Variants in DENND1A observed in about 807,000 individuals in gnomAD.
The protein encoded by DENND1A is DENN domain containing 1A.
Under a neutral mutation model 113.7 loss-of-function variants are expected in DENND1A, and 51 were observed. The observed-to-expected ratio is 0.45, with a 90% CI of 0.36 to 0.57. The LOEUF is 0.57. DENND1A is among the 20% of genes least tolerant of loss of function. The pLI, the probability that DENND1A is intolerant of heterozygous loss-of-function variation, is 0.00. For synonymous variants in DENND1A, 565 were observed against 570.8 expected (o/e 0.99, Z 0.14); for missense variants, 1,258 against 1,395.9 (o/e 0.90, Z 1.57).
In DENND1A at chr9:123,609,430, A is replaced by T. The variant is rs775570941; in HGVS notation, c.765+6T>A. 1 of 1,613,406 alleles carries T rather than the reference A, an allele frequency of 6.2e-7. No homozygotes were observed. The highest frequency in any genetic ancestry group is 8.5e-7 in the Non-Finnish European group (1 of 1,179,792). ...AGCCATCTGGGGAGGAAAGAAGCCA[A>T]CTTACCTCCATTAAACTTAAATGGA... On this transcript the variant is annotated splice_donor_region_variant and intron_variant, in intron 11 of 23. Coordinates refer to ENST00000394215, the MANE Select transcript of DENND1A (RefSeq NM_001352964.2).
chr9:123,754,902 AC>A (rs1437112637), intron 5 of DENND1A, among the ~76,000 whole-genome samples: 1 of 152,196 alleles, frequency 6.6e-6, no homozygotes, highest in Non-Finnish European at 1.5e-5. Flanking sequence ...TTAAATGAAT[AC>A]TTTTATCAAA....
intron 13 of DENND1A, among the ~76,000 whole-genome samples, chr9:123,555,781 C>T (rs369389631): frequency 2.6e-5 from 4 of 152,190 alleles, no homozygotes; most frequent in Non-Finnish European, 5.9e-5. Context: ...GCAAGTACAA[C>T]GATAAACTCC....
chr9:123,858,157 C>G (rs1330667408), intron 2 of DENND1A, among the ~76,000 whole-genome samples: 1 of 151,842 alleles, frequency 6.6e-6, no homozygotes, highest in African/African-American at 2.4e-5. Context: ...AAGAACATTA[C>G]TGGGACAAGT....
chr9:123,623,587 C>T (rs899759944), intron 10 of DENND1A, among the ~76,000 whole-genome samples: 4 of 152,174 alleles, frequency 2.6e-5, no homozygotes. Flanking sequence ...ATATTTAGGG[C>T]AGCCCATTTG....
rs1316307757 is a variant in DENND1A, at chr9:123,414,084, G to C, written c.1489-2255C>G. ...ATTCCTGCTGGGTGGCAGTGCACCA[G>C]AGCGCTCGGGAGGCAGCCTCTAGGG... On this transcript the variant is annotated intron_variant, in intron 19 of 23. Transcript: ENST00000394215. 9 of 993,814 alleles carry C rather than the reference G, an allele frequency of 9.1e-6. No homozygotes were observed. In the East Asian group the frequency reaches 5.4e-4, roughly 60 times the overall value. The allele number at this position is 993,814 out of a possible 1,614,324, so 61.6% of individuals were successfully genotyped here. A position where few individuals can be genotyped will look rare whatever the true frequency, so the allele number is the denominator to read the frequency against.
At chr9:123,403,022 T>C (rs2043620762) in intron 21 of DENND1A, among the ~76,000 whole-genome samples, 1 of 152,194 alleles carries the variant, frequency 6.6e-6, no homozygotes. Context: ...TTCTCGGCCA[T>C]GGAGGCCTAG....
intron 21 of DENND1A, among the ~76,000 whole-genome samples, chr9:123,390,885 G>A (rs555785558): frequency 3.5e-4 from 53 of 152,240 alleles, no homozygotes; most frequent in Non-Finnish European, 5.9e-4. Context: ...ATCCAAGCAC[G>A]GGCCCCCACC....
intron 12 of DENND1A, among the ~76,000 whole-genome samples, chr9:123,559,116 G>A (rs534829686): frequency 4.6e-5 from 7 of 152,308 alleles, no homozygotes; most frequent in South Asian, 2.1e-4. Flanking sequence ...TGAGCACCGC[G>A]TGCTAAGTAC....
At chr9:123,835,621 CTT>C (rs760085814) in intron 2 of DENND1A, among the ~76,000 whole-genome samples, 3 of 149,978 alleles carry the variant, frequency 2.0e-5, no homozygotes, top group African/African-American at 2.5e-5. Context: ...TTACCTAACT[CTT>C]TATCTTGGAT....
chr9:123,741,046 G>A (rs552472095), intron 5 of DENND1A, among the ~76,000 whole-genome samples: 1 of 151,752 alleles, frequency 6.6e-6, no homozygotes, highest in African/African-American at 2.4e-5. Context: ...TACTCTCAAG[G>A]GTTCTCTCAA....
chr9:123,777,210 G>A (rs996247223), intron 3 of DENND1A, among the ~76,000 whole-genome samples: 2 of 152,200 alleles, frequency 1.3e-5, no homozygotes, highest in Non-Finnish European at 2.9e-5. Flanking sequence ...CTTTCAGGGG[G>A]GAAAAAGGCC....
chr9:123,638,350 T>A (rs1222567530), intron 9 of DENND1A, among the ~76,000 whole-genome samples: 2 of 152,150 alleles, frequency 1.3e-5, no homozygotes, highest in African/African-American at 4.8e-5. Context: ...GGGGGACTGA[T>A]AACAATGTAT....
chr9:123,443,579 TACTATTCCCTCCACCTG>T (rs1322289473), intron 18 of DENND1A, among the ~76,000 whole-genome samples: 1 of 152,242 alleles, frequency 6.6e-6, no homozygotes, highest in East Asian at 1.9e-4. Context: ...TTAGCCTCTT[TACTATTCCCTCCACCTG>T]AAGAAGGACA....
chr9:123,714,457 C>T (rs1452120747), intron 5 of DENND1A, among the ~76,000 whole-genome samples: 1 of 151,960 alleles, frequency 6.6e-6, no homozygotes, highest in Non-Finnish European at 1.5e-5. Flanking sequence ...CAAAAATTAG[C>T]CGGGTGTGGT....
At chr9:123,871,668 GCAAC>G in intron 2 of DENND1A, among the ~76,000 whole-genome samples, 1 of 152,202 alleles carries the variant, frequency 6.6e-6, no homozygotes, top group Non-Finnish European at 1.5e-5. Context: ...GAGAAACTCA[GCAAC>G]CAAAGCACCA....
chr9:123,572,271 T>G (rs2058398218), intron 12 of DENND1A, among the ~76,000 whole-genome samples: 1 of 152,192 alleles, frequency 6.6e-6, no homozygotes, highest in African/African-American at 2.4e-5. Context: ...AATAGATCAG[T>G]AGTTAGTTTC....
intron 8 of DENND1A, among the ~76,000 whole-genome samples, chr9:123,659,000 T>G (rs531074542): frequency 6.6e-6 from 1 of 152,292 alleles, no homozygotes; most frequent in South Asian, 2.1e-4. Flanking sequence ...GCAAGTTACC[T>G]CACTTCTCTG....
chr9:123,413,995 G>A (rs1035526993), intron 19 of DENND1A: 1 of 988,888 alleles, frequency 1.0e-6, no homozygotes, highest in Non-Finnish European at 1.2e-6. Flanking sequence ...TTCTACTTCG[G>A]GGGAACCATC....
intron 13 of DENND1A, among the ~76,000 whole-genome samples, chr9:123,506,784 C>T (rs1423597883): frequency 1.3e-5 from 2 of 152,040 alleles, no homozygotes; most frequent in Non-Finnish European, 2.9e-5. Flanking sequence ...CCAGGTTTGT[C>T]TTCAGTCCAG....
Sources: gnomAD v4.1 joint callset for allele counts (sites outside exome capture counted in the v4.1 genomes callset) on GRCh38, gnomAD v4.1.1 for gene constraint, MANE v1.5 for transcripts, NCBI Gene and HGNC (gene_info 2026-07-23, HGNC 2026-07-21) for gene names.